The following IPPK variants were observed in gnomAD, a reference collection of about 807,000 sequenced individuals.
The protein encoded by IPPK is inositol-pentakisphosphate 2-kinase.
A neutral mutation model predicts 64.6 loss-of-function variants in IPPK; 22 were observed. That is an observed-to-expected ratio of 0.34 (90% confidence interval 0.24 to 0.49). The LOEUF is 0.49. Among genes scored for constraint, IPPK ranks in the 20% least tolerant of loss-of-function variants. The probability of loss-of-function intolerance (pLI) is 0.99; values close to 1 mark genes in which losing one functional copy is unlikely to be tolerated. For missense variants in IPPK, 532 were observed against 630.7 expected (o/e 0.84, Z 1.68); for synonymous variants, 262 against 247.2 (o/e 1.06, Z -0.56).
In IPPK at chr9:92,638,051, C is replaced by A; in HGVS notation, c.866G>T (p.Gly289Val). ...GTLSPGLGPQGPRVCEASPFS... is the reference protein window; with the variant it reads ...GTLSPGLGPQVPRVCEASPFS... ...AGGGCTGGCTTCGCAGACTCGCGGGCCCTGAGGCCCGAGCCCCGGACTCAG... is the reference window on the plus strand; with the variant it reads ...AGGGCTGGCTTCGCAGACTCGCGGGACCTGAGGCCCGAGCCCCGGACTCAG... The change falls in exon 9 of 13, where the codon GGC (glycine) becomes GTC (valine). Residue 289 changes from glycine to valine, a missense_variant. Transcript: ENST00000287996. 6.2e-7 allele frequency: 1 copy of A among 1,601,968 alleles called. No individual in the cohort carries two copies.
In IPPK at chr9:92,662,827, C is replaced by T. The variant is rs1290149697; in HGVS notation, c.82-4146G>A. Among the ~76,000 whole-genome samples the T allele has an allele frequency of 3.9e-5, 6 of 152,254 alleles. No individual in the cohort carries two copies. In the South Asian group the frequency reaches 1.0e-3, roughly 26 times the overall value. ...CACAACTCGTCACTTACAAAAGTGG[C>T]AAAAAGCATTTCAATAAAAATCCCT... On this transcript the variant is annotated intron_variant, in intron 1 of 12. Coordinates refer to ENST00000287996, the MANE Select transcript of IPPK (RefSeq NM_022755.6).
intron 1 of IPPK, among the ~76,000 whole-genome samples, chr9:92,659,100 G>A (rs763644692): frequency 6.6e-6 from 1 of 152,128 alleles, no homozygotes. Context: ...AAAAGTTACC[G>A]AATGGGGCTT....
intron 1 of IPPK, among the ~76,000 whole-genome samples, chr9:92,667,322 A>G (rs1474348300): frequency 6.6e-6 from 1 of 152,092 alleles, no homozygotes; most frequent in Admixed American, 6.5e-5. Flanking sequence ...ATTCTACCTC[A>G]CCCATCTCTT....
chr9:92,640,128 T>A (rs1279375015), intron 8 of IPPK, among the ~76,000 whole-genome samples: 1 of 152,306 alleles, frequency 6.6e-6, no homozygotes. Context: ...CACTTATGTG[T>A]GATCATGAGG....
Position 92,613,951 on chromosome 9 carries a change from T to C in IPPK, c.*1881A>G, listed in dbSNP as rs909113311. On this transcript the variant is annotated 3_prime_UTR_variant, in exon 13 of 13. Transcript: ENST00000287996. ...CGTCATGACTACGCAGCAGCAGCAG[T>C]TTCCAAGACGGGCCAGAAACGCATC... 2 of 152,068 alleles carry C rather than the reference T, an allele frequency of 1.3e-5. No individual in the cohort carries two copies. The highest frequency in any genetic ancestry group is 4.8e-5 in the African/African-American group (2 of 41,384). The allele number at this position is 152,068 out of a possible 1,614,324, so 9.4% of individuals were successfully genotyped here. A position where few individuals can be genotyped will look rare whatever the true frequency, so the allele number is the denominator to read the frequency against.
intron 2 of IPPK, among the ~76,000 whole-genome samples, chr9:92,657,388 T>C (rs1011011894): frequency 6.6e-6 from 1 of 150,974 alleles, no homozygotes; most frequent in Non-Finnish European, 1.5e-5. Context: ...AACAGAAAAG[T>C]TACCACTCAA....
chr9:92,645,902 A>G (rs1852141570), intron 6 of IPPK, among the ~76,000 whole-genome samples: 1 of 152,058 alleles, frequency 6.6e-6, no homozygotes, highest in Non-Finnish European at 1.5e-5. Context: ...CTAGATAGTA[A>G]CTCAAATCCA....
At chr9:92,666,948 A>T (rs1167642576) in intron 1 of IPPK, among the ~76,000 whole-genome samples, 1 of 152,158 alleles carries the variant, frequency 6.6e-6, no homozygotes, top group Non-Finnish European at 1.5e-5. Context: ...TGCATACTGC[A>T]GGAAGAACAT....
At position 92,654,437 on chromosome 9, in the gene IPPK, C is replaced by G. The variant is rs573399335; in HGVS notation, c.226-1798G>C. On this transcript the variant is annotated intron_variant, in intron 3 of 12. Transcript: ENST00000287996. ...GGGTGGGTGTGAGGCAGGATGATCA[C>G]TTGAGTCTGGGAGGTTGAGGCTGCA... Among the ~76,000 whole-genome samples, 374 of 152,220 alleles carry G rather than the reference C, an allele frequency of 2.5e-3. 2 individuals are homozygous for G. The highest frequency in any genetic ancestry group is 0.01 in the Middle Eastern group (3 of 294).
rs568037538 is a variant in IPPK at position 92,657,829 on chromosome 9, C to G, written c.129+805G>C. On this transcript the variant is annotated intron_variant, in intron 2 of 12. Coordinates refer to ENST00000287996, the MANE Select transcript of IPPK (RefSeq NM_022755.6). ...CGCGGCAGCTGTCACCTCCACCCAC[C>G]ACCACCCCCCGGCCTCCCTTTCTAT... Among the ~76,000 whole-genome samples the G allele has an allele frequency of 1.2e-3, 181 of 152,192 alleles. 1 individual carries two copies. Among genetic ancestry groups the G allele is most frequent in the African/African-American group, 4.2e-3 (173 of 41,520 alleles).
chr9:92,669,993 A>T lies in IPPK; in HGVS notation c.-5T>A. The T allele has an allele frequency of 6.2e-7, 1 of 1,608,604 alleles. No individual in the cohort carries two copies. The highest frequency in any genetic ancestry group is 8.5e-7 in the Non-Finnish European group (1 of 1,177,194). On this transcript the variant is annotated 5_prime_UTR_variant, in exon 1 of 13. Transcript: ENST00000287996. ...GTCCATCTTCCCCTCTTCCATGCCC[A>T]GGCGCAGCCCTGGCGCCTCGCGGGC...
Position 92,642,694 on chromosome 9 carries a change from G to A in IPPK, c.563+58C>T, listed in dbSNP as rs1442101715. On this transcript the variant is annotated intron_variant, in intron 7 of 12. Transcript: ENST00000287996. ...TACCCCCCACCAGGCACTGGCCCCC[G>A]CCCTACCCATCTCCAGGGAACCTGA... 5.2e-5 allele frequency: 73 copies of A among 1,415,442 alleles called. 1 individual carries two copies. Among genetic ancestry groups the A allele is most frequent in the South Asian group, 8.2e-5 (7 of 85,812 alleles). 87.7% of individuals were successfully genotyped at this position (1,415,442 alleles called of 1,614,324 possible).
At chr9:92,620,841 G>C (rs1221737147) in intron 11 of IPPK, among the ~76,000 whole-genome samples, 7 of 152,132 alleles carry the variant, frequency 4.6e-5, no homozygotes. Flanking sequence ...ATCAAAAGTT[G>C]ATTCTTAGGA....
rs1283704897 is a variant in IPPK at position 92,614,224 on chromosome 9, A to C, written c.*1608T>G. ...CCTCACATGTGCACTTGAACCCAGG[A>C]CCCAGCATCCTCCACACACCGTGAC... is the stretch of plus-strand genomic sequence containing the variant. On this transcript the variant is annotated 3_prime_UTR_variant, in exon 13 of 13. Transcript: ENST00000287996. 1 of 152,762 alleles carries C rather than the reference A, an allele frequency of 6.5e-6. No individual in the cohort carries two copies. Among genetic ancestry groups the C allele is most frequent in the Non-Finnish European group, 1.5e-5 (1 of 68,502 alleles). The allele number at this position is 152,762 out of a possible 1,614,324, so 9.5% of individuals were successfully genotyped here. A position where few individuals can be genotyped will look rare whatever the true frequency, so the allele number is the denominator to read the frequency against.
rs777862993 is a variant in IPPK at position 92,633,368 on chromosome 9, C to CAA, written c.1170+1016_1170+1017dup. ...TACAGGTGGCAGAAATGTAAAATAC[C>CAA]AAAAAAAAAAAAAAATGTTTTTTTG... is the stretch of plus-strand genomic sequence containing the variant. On this transcript the variant is annotated intron_variant, in intron 11 of 12. Coordinates refer to ENST00000287996, the MANE Select transcript of IPPK (RefSeq NM_022755.6). 7.4e-3 allele frequency among the ~76,000 whole-genome samples: 955 copies of CAA among 129,072 alleles called. 5 individuals carry two copies. Among genetic ancestry groups the CAA allele is most frequent in the African/African-American group, 0.024 (827 of 35,056 alleles). 84.7% of individuals were successfully genotyped at this position (129,072 alleles called of 152,430 possible).
Position 92,640,749 on chromosome 9 carries a change from A to C in IPPK, c.597T>G (p.Ser199Arg). ...NKQRMHFALK[S>R]LLQEAQNNLK... is the part of the protein sequence containing the mutation. ...AGTTGTTCTGTGCCTCCTGCAGCAA[A>C]CTCTTCAAGGCAAAGTGCATTCTCT... Residue 199 changes from serine (S) to arginine (R), a missense_variant, in exon 8 of 13, where the codon AGT becomes AGG. Transcript: ENST00000287996. 2 of 1,613,100 alleles carry C rather than the reference A, an allele frequency of 1.2e-6. No homozygotes were observed. The highest frequency in any genetic ancestry group is 2.2e-5 in the East Asian group (1 of 44,860).
intron 11 of IPPK, among the ~76,000 whole-genome samples, chr9:92,624,297 G>A (rs939979939): frequency 3.3e-5 from 5 of 152,132 alleles, no homozygotes; most frequent in Non-Finnish European, 7.4e-5. Flanking sequence ...GGCCAACATG[G>A]TGAAACCCCA....
intron 6 of IPPK, among the ~76,000 whole-genome samples, chr9:92,643,898 G>A (rs568186278): frequency 5.3e-5 from 8 of 152,350 alleles, no homozygotes; most frequent in South Asian, 4.1e-4. Flanking sequence ...AGTTACCTGG[G>A]AAGGCAGGTA....
At chr9:92,650,040 A>AG (rs1175487412) in intron 4 of IPPK, among the ~76,000 whole-genome samples, 2 of 142,788 alleles carry the variant, frequency 1.4e-5, no homozygotes, top group East Asian at 4.3e-4. Flanking sequence ...AAAAAAAAAA[A>AG]AAGGCGGGCA....
Sources: allele counts gnomAD v4.1 joint callset (sites outside exome capture counted in the v4.1 genomes callset), GRCh38; gene constraint gnomAD v4.1.1; transcripts MANE v1.5; gene names NCBI Gene and HGNC (gene_info 2026-07-23, HGNC 2026-07-21).